WDFY3: variants seen among roughly 807,000 people sequenced by gnomAD.
The protein encoded by WDFY3 is WD repeat and FYVE domain containing 3.
Under a neutral mutation model 409.6 loss-of-function variants are expected in WDFY3, and 66 were observed. The ratio of observed to expected loss-of-function variants is 0.16; its 90% CI spans 0.13 to 0.20. The LOEUF is 0.20. Among genes scored for constraint, WDFY3 ranks in the 10% least tolerant of loss-of-function variants. The pLI, the probability that WDFY3 is intolerant of heterozygous loss-of-function variation, is 1.00. For synonymous variants in WDFY3, 1,521 were observed against 1,537.1 expected (o/e 0.99, Z 0.25); for missense variants, 3,031 against 4,298.1 (o/e 0.71, Z 8.24).
At position 84,727,418 on chromosome 4, in the gene WDFY3, T is replaced by C. The variant is rs1037796972; in HGVS notation, c.7222-507A>G. Among the ~76,000 whole-genome samples, 5 of 152,098 alleles carry C rather than the reference T, an allele frequency of 3.3e-5. No individual in the cohort carries two copies. In the East Asian group the frequency reaches 9.6e-4, roughly 29 times the overall value. On this transcript the variant is annotated intron_variant, in intron 44 of 67. Coordinates refer to ENST00000295888, the MANE Select transcript of WDFY3 (RefSeq NM_014991.6). The stretch of plus-strand genomic sequence containing the variant: ...CCACAGACATCATTCTCTTTAAGAA[T>C]CCTCCCTTAAAAGCATAAGGATCTA...
chr4:84,805,083 A>C (rs970561535), intron 15 of WDFY3, among the ~76,000 whole-genome samples: 2 of 152,192 alleles, frequency 1.3e-5, no homozygotes, highest in Non-Finnish European at 2.9e-5. Flanking sequence ...ACACAGTCAA[A>C]ACTTTGTTTC....
chr4:84,850,149 G>T, intron 4 of WDFY3, 124 bp from the exon 5 acceptor site: 2 of 976,804 alleles, frequency 2.0e-6, no homozygotes, highest in Non-Finnish European at 2.9e-6. Context: ...CAGTTACTTT[G>T]AATCTTAATA....
Position 84,947,730 on chromosome 4 carries a change from AC to A in WDFY3, c.-225-15368del, listed in dbSNP as rs756438882. ...TCTACCAAAAAAAAAAAAAAAAAAAACATTAGCCAGGCATGGTGGCATGTGC... is the reference window on the plus strand; with the variant it reads ...TCTACCAAAAAAAAAAAAAAAAAAAAATTAGCCAGGCATGGTGGCATGTGC... On this transcript the variant is annotated intron_variant, in intron 1 of 67. Coordinates refer to ENST00000295888, the MANE Select transcript of WDFY3 (RefSeq NM_014991.6). 1.2e-3 allele frequency among the ~76,000 whole-genome samples: 175 copies of A among 148,064 alleles called. 1 individual carries two copies. Among genetic ancestry groups the A allele is most frequent in the African/African-American group, 3.7e-3 (148 of 40,442 alleles).
intron 42 of WDFY3, among the ~76,000 whole-genome samples, chr4:84,735,799 C>A (rs1483074559): frequency 6.6e-6 from 1 of 152,126 alleles, no homozygotes; most frequent in Non-Finnish European, 1.5e-5. Context: ...TTTTAAAAAA[C>A]CATAGGTATA....
rs182024211 is a variant in WDFY3 at position 84,828,940 on chromosome 4, G to A, written c.956+64C>T. On this transcript the variant is annotated intron_variant, in intron 9 of 67. Transcript: ENST00000295888. ...TTTTCCTATAACCCCAAATCACATT[G>A]TTTTCTTTGATAAAAAAGACTGAGT... The A allele has an allele frequency of 9.7e-6, 14 of 1,447,806 alleles. No individual in the cohort carries two copies. The East Asian group carries it at 3.1e-4, about 32-fold the overall frequency. 89.7% of individuals were successfully genotyped at this position (1,447,806 alleles called of 1,614,324 possible).
intron 2 of WDFY3, among the ~76,000 whole-genome samples, chr4:84,904,856 A>C (rs1766818834): frequency 6.6e-6 from 1 of 152,218 alleles, no homozygotes; most frequent in African/African-American, 2.4e-5. Context: ...CAAAAGTAAC[A>C]AGTTCAAAAA....
At chr4:84,703,354 G>A (rs1157453822) in intron 55 of WDFY3, among the ~76,000 whole-genome samples, 1 of 152,126 alleles carries the variant, frequency 6.6e-6, no homozygotes, top group Admixed American at 6.6e-5. Flanking sequence ...AGCCTCACAG[G>A]TACACTATCC....
At chr4:84,904,791 A>G (rs1766808264) in intron 2 of WDFY3, among the ~76,000 whole-genome samples, 1 of 152,210 alleles carries the variant, frequency 6.6e-6, no homozygotes, top group African/African-American at 2.4e-5. Flanking sequence ...CTGAGCTTCA[A>G]GATTGTTTAA....
intron 17 of WDFY3, among the ~76,000 whole-genome samples, chr4:84,798,960 A>G (rs915881109): frequency 1.3e-5 from 2 of 152,170 alleles, no homozygotes; most frequent in African/African-American, 4.8e-5. Context: ...TGTACTCTCC[A>G]GCTTCACTGC....
chr4:84,885,468 G>A (rs1764088676), intron 3 of WDFY3, among the ~76,000 whole-genome samples: 1 of 151,632 alleles, frequency 6.6e-6, no homozygotes, highest in African/African-American at 2.4e-5. Flanking sequence ...TAAATATTTT[G>A]GCTTAGAAAG....
rs1725202092 is a variant in WDFY3, at chr4:84,669,846, T to C, written c.*3022A>G. 6.6e-6 allele frequency: 1 copy of C among 152,258 alleles called. No individual in the cohort carries two copies. Among genetic ancestry groups the C allele is most frequent in the Non-Finnish European group, 1.5e-5 (1 of 68,006 alleles). The allele number at this position is 152,258 out of a possible 1,614,324, so 9.4% of individuals were successfully genotyped here. On this transcript the variant is annotated 3_prime_UTR_variant, in exon 68 of 68. Transcript: ENST00000295888. ...TGCTGTACAAATAATTGGCCATTAC[T>C]AGGGCTTACAAGTTAATAACAGGAC...
intron 5 of WDFY3, among the ~76,000 whole-genome samples, chr4:84,847,945 T>A (rs1560914742): frequency 6.7e-6 from 1 of 148,552 alleles, no homozygotes; most frequent in Non-Finnish European, 1.5e-5. Flanking sequence ...AAAAAAAAAC[T>A]CTATAGAAGA....
In WDFY3 at chr4:84,688,259, G is replaced by A; in HGVS notation, c.9370C>T (p.Leu3124=). 1 of 1,613,440 alleles carries A rather than the reference G, an allele frequency of 6.2e-7. No individual in the cohort carries two copies. The highest frequency in any genetic ancestry group is 8.5e-7 in the Non-Finnish European group (1 of 1,179,714). The change falls in exon 62 of 68, where the codon CTG becomes TTG. Residue 3124 remains leucine, a synonymous_variant. Coordinates refer to ENST00000295888, the MANE Select transcript of WDFY3 (RefSeq NM_014991.6). Reference sequence around the variant, plus strand: ...CAGGTGACGGTATCAGTGTGGCCCAGTAAGGCCTACGAATGAGAACAAACA... The same window carrying A: ...CAGGTGACGGTATCAGTGTGGCCCAATAAGGCCTACGAATGAGAACAAACA... ...AKTVTLKQAL[L]GHTDTVTCAT... is the part of the protein sequence containing the mutation.
intron 13 of WDFY3, among the ~76,000 whole-genome samples, chr4:84,814,242 A>G (rs935163932): frequency 6.6e-6 from 1 of 152,190 alleles, no homozygotes; most frequent in Non-Finnish European, 1.5e-5. Flanking sequence ...GCCTGGAGAC[A>G]GCAAAGAAAT....
intron 55 of WDFY3, among the ~76,000 whole-genome samples, chr4:84,703,018 C>A (rs955856018): frequency 2.0e-5 from 3 of 151,892 alleles, no homozygotes; most frequent in Non-Finnish European, 4.4e-5. Flanking sequence ...ATGGCATGAA[C>A]CCCAGGGGGC....
intron 42 of WDFY3, 42 bp from the exon 43 acceptor site, chr4:84,735,162 T>G (rs1477251581): frequency 1.3e-6 from 2 of 1,557,632 alleles, no homozygotes; most frequent in Non-Finnish European, 1.7e-6. Flanking sequence ...TTCATGGATT[T>G]CTGGAAAAAA....
intron 3 of WDFY3, among the ~76,000 whole-genome samples, chr4:84,870,922 T>C (rs939325064): frequency 6.6e-6 from 1 of 151,266 alleles, no homozygotes; most frequent in Non-Finnish European, 1.5e-5. Flanking sequence ...TCAAAAGCAC[T>C]CTAACAGATA....
chr4:84,747,181 G>A (rs1739605665), intron 36 of WDFY3, among the ~76,000 whole-genome samples: 1 of 152,146 alleles, frequency 6.6e-6, no homozygotes. Context: ...TCCTTTTTAA[G>A]GTCTTGGGGA....
In WDFY3 at chr4:84,688,228, G is replaced by A; in HGVS notation, c.9401C>T (p.Thr3134Ile). Residue 3134 changes from threonine to isoleucine, a missense_variant, in exon 62 of 68, where the codon ACA becomes ATA. Thr to Ile is a moderately conservative substitution (Grantham distance 89). Transcript: ENST00000295888. ...AATTATGTGATAGGCTAATGATGCT[G>A]TGGCGCAGGTGACGGTATCAGTGTG... ...LGHTDTVTCA[T>I]ASLAYHIIVS... is the part of the protein sequence containing the mutation. 1.9e-6 allele frequency: 3 copies of A among 1,614,142 alleles called. No homozygotes were observed. The highest frequency in any genetic ancestry group is 2.5e-6 in the Non-Finnish European group (3 of 1,180,006).
Sources: gnomAD v4.1 joint callset for allele counts (sites outside exome capture counted in the v4.1 genomes callset) on GRCh38, gnomAD v4.1.1 for gene constraint, MANE v1.5 for transcripts, NCBI Gene and HGNC (gene_info 2026-07-23, HGNC 2026-07-21) for gene names.